Variants in ALS2 observed in about 807,000 individuals in gnomAD.
The protein encoded by ALS2 is alsin Rho guanine nucleotide exchange factor ALS2, also known as alsin.
A neutral mutation model predicts 203.4 loss-of-function variants in ALS2; 117 were observed. The ratio of observed to expected loss-of-function variants is 0.58; its 90% confidence interval spans 0.50 to 0.67. The LOEUF is 0.67. Among genes scored for constraint, ALS2 ranks in the 30% least tolerant of loss-of-function variants. ALS2 has a pLI of 0.00. For missense variants in ALS2, 1,715 were observed against 1,989.4 expected (o/e 0.86, Z 2.62); for synonymous variants, 718 against 725.9 (o/e 0.99, Z 0.17).
In ALS2 at chr2:201,756,746, T is replaced by C. The variant is rs193192695; in HGVS notation, c.1471+656A>G. On this transcript the variant is annotated intron_variant, in intron 5 of 33. Coordinates refer to ENST00000264276, the MANE Select transcript of ALS2 (RefSeq NM_020919.4). Reference sequence around the variant, plus strand: ...CCAAATCCTGGTCTCATCAAATGCTTCTCAGACTTTAGTGTGCATACTAAT... The same window carrying C: ...CCAAATCCTGGTCTCATCAAATGCTCCTCAGACTTTAGTGTGCATACTAAT... Among the ~76,000 whole-genome samples, 1,164 of 152,358 alleles carry C rather than the reference T, an allele frequency of 7.6e-3. 7 individuals are homozygous for C. The highest frequency in any genetic ancestry group is 0.011 in the Non-Finnish European group (736 of 68,030).
chr2:201,720,986 T>G (rs915566066), intron 23 of ALS2, among the ~76,000 whole-genome samples: 1 of 152,028 alleles, frequency 6.6e-6, no homozygotes, highest in East Asian at 1.9e-4. Flanking sequence ...ATAAACGAAT[T>G]CAGCAAGATT....
At chr2:201,759,184 A>T (rs944732642) in intron 4 of ALS2, among the ~76,000 whole-genome samples, 3 of 152,178 alleles carry the variant, frequency 2.0e-5, no homozygotes, top group African/African-American at 7.2e-5. Context: ...TACTGTTCTA[A>T]CTGGCTCCTT....
intron 4 of ALS2, among the ~76,000 whole-genome samples, chr2:201,758,760 ATG>A (rs775648737): frequency 1.3e-3 from 196 of 150,724 alleles, no homozygotes; most frequent in African/African-American, 3.5e-3. Flanking sequence ...GTGTGTGCGC[ATG>A]TGTGTGTGTG....
intron 1 of ALS2, among the ~76,000 whole-genome samples, chr2:201,772,538 A>G (rs1405842063): frequency 1.3e-5 from 2 of 152,208 alleles, no homozygotes; most frequent in Non-Finnish European, 2.9e-5. Flanking sequence ...TGTTGTAGAA[A>G]TATCAGTATG....
Position 201,701,755 on chromosome 2 carries a change from A to G in ALS2, c.*96T>C, listed in dbSNP as rs1221469233. 1 of 1,224,256 alleles carries G rather than the reference A, an allele frequency of 8.2e-7. No homozygotes were observed. Among genetic ancestry groups the G allele is most frequent in the African/African-American group, 1.5e-5 (1 of 67,202 alleles). The allele number at this position is 1,224,256 out of a possible 1,614,324, so 75.8% of individuals were successfully genotyped here. A position where few individuals can be genotyped will look rare whatever the true frequency, so the allele number is the denominator to read the frequency against. ...CCTAAATAACACAAAGTCCTTTCCA[A>G]TTTCAACACTGTTCTTTTTTGCCAC... On this transcript the variant is annotated 3_prime_UTR_variant, in exon 34 of 34. Coordinates refer to ENST00000264276, the MANE Select transcript of ALS2 (RefSeq NM_020919.4).
At chr2:201,723,259 A>G (rs1467859922) in intron 22 of ALS2, 71 bp downstream of exon 22, 1 of 1,434,550 alleles carries the variant, frequency 7.0e-7, no homozygotes, top group Admixed American at 1.7e-5. Context: ...TAATCAAAAG[A>G]TGATTTAAAA....
rs574077489 is a variant in ALS2, at chr2:201,761,931, T to A, written c.176-113A>T. The A allele has an allele frequency of 4.1e-5, 49 of 1,207,274 alleles. No individual in the cohort carries two copies. The African/African-American group carries it at 6.3e-4, about 16-fold the overall frequency. The allele number at this position is 1,207,274 out of a possible 1,614,324, so 74.8% of individuals were successfully genotyped here. On this transcript the variant is annotated intron_variant, in intron 3 of 33. Transcript: ENST00000264276. ...ATTTAACCAAATTGGATTTTCTTTT[T>A]AAATTTTCAAAAGCAGTTGTAGAAA...
At chr2:201,740,748 A>G (rs1428279647) in intron 11 of ALS2, among the ~76,000 whole-genome samples, 1 of 152,248 alleles carries the variant, frequency 6.6e-6, no homozygotes, top group Non-Finnish European at 1.5e-5. Context: ...CTAAGATGAT[A>G]AACAGTGGTT....
intron 19 of ALS2, among the ~76,000 whole-genome samples, chr2:201,725,673 T>C (rs987789952): frequency 6.6e-6 from 1 of 152,154 alleles, no homozygotes; most frequent in African/African-American, 2.4e-5. Context: ...AGATATGGTG[T>C]TTTAATCCAA....
At chr2:201,716,324 G>A (rs1363311428) in intron 24 of ALS2, among the ~76,000 whole-genome samples, 3 of 151,572 alleles carry the variant, frequency 2.0e-5, no homozygotes, top group East Asian at 1.9e-4. Context: ...AGGGTGGATC[G>A]CCTGAGGTCA....
Position 201,761,659 on chromosome 2 carries a change from G to A in ALS2, c.335C>T (p.Ala112Val), listed in dbSNP as rs750832284. The A allele has an allele frequency of 4.3e-5, 69 of 1,614,020 alleles. No individual in the cohort carries two copies. Among genetic ancestry groups the A allele is most frequent in the East Asian group, 3.3e-4 (15 of 44,878 alleles). ...HSGAVTDNGV[A>V]YMWGENSAGQ... The stretch of plus-strand genomic sequence containing the variant: ...AGCAGAATTCTCTCCCCACATGTAC[G>A]CGACACCATTGTCTGTCACTGCTCC... Residue 112 changes from alanine (A) to valine (V), a missense_variant, in exon 4 of 34, where the codon GCG becomes GTG. By Grantham distance (64) the Ala-to-Val change is moderately conservative. Around this residue, in one of 3 missense-constraint regions of ALS2, gnomAD observed 476 missense variants for 539.3 expected, o/e 0.88. Coordinates refer to ENST00000264276, the MANE Select transcript of ALS2 (RefSeq NM_020919.4).
rs568264565 is a variant in ALS2 at position 201,767,095 on chromosome 2, T to C, written c.175+134A>G. 31 of 1,007,836 alleles carry C rather than the reference T, an allele frequency of 3.1e-5. No homozygotes were observed. The South Asian group carries it at 3.7e-4, about 12-fold the overall frequency. The allele number at this position is 1,007,836 out of a possible 1,614,324, so 62.4% of individuals were successfully genotyped here. A position where few individuals can be genotyped will look rare whatever the true frequency, so the allele number is the denominator to read the frequency against. On this transcript the variant is annotated intron_variant, in intron 3 of 33. Transcript: ENST00000264276. ...TACCCTAAAACTTAAAGCATAATAA[T>C]AATAAAATTTAAAAAAAAAAGAAAG...
At chr2:201,725,814 T>G (rs188445541) in intron 19 of ALS2, among the ~76,000 whole-genome samples, 1 of 152,220 alleles carries the variant, frequency 6.6e-6, no homozygotes, top group Non-Finnish European at 1.5e-5. Context: ...GTGGGTAAAT[T>G]AGATGATCTA....
chr2:201,760,082 G>A, intron 4 of ALS2: 1 of 889,424 alleles, frequency 1.1e-6, no homozygotes, highest in Non-Finnish European at 1.3e-6. Flanking sequence ...CAACACTTTG[G>A]GAGGCTGAGG....
chr2:201,745,984 G>A (rs1692616966), intron 9 of ALS2, among the ~76,000 whole-genome samples: 1 of 152,086 alleles, frequency 6.6e-6, no homozygotes. Context: ...TAAATTAAAA[G>A]TGGAGAAGTG....
Position 201,734,467 on chromosome 2 carries a change from C to CAAAAAAAAAAAAAAAA in ALS2, c.2418-1030_2418-1029insTTTTTTTTTTTTTTTT, listed in dbSNP as rs576164468. ...ACCAGCCCGGGTGACCAGCCTGTCT[C>CAAAAAAAAAAAAAAAA]AAAAAAAAAAAAAGATCTTAGATAA... On this transcript the variant is annotated intron_variant, in intron 12 of 33. Transcript: ENST00000264276. Among the ~76,000 whole-genome samples the CAAAAAAAAAAAAAAAA allele has an allele frequency of 6.7e-4, 89 of 132,236 alleles. 1 individual carries two copies. Among genetic ancestry groups the CAAAAAAAAAAAAAAAA allele is most frequent in the Admixed American group, 1.4e-3 (18 of 12,902 alleles). The allele number at this position is 132,236 out of a possible 152,430, so 86.8% of individuals were successfully genotyped here. A position where few individuals can be genotyped will look rare whatever the true frequency, so the allele number is the denominator to read the frequency against.
intron 26 of ALS2, among the ~76,000 whole-genome samples, chr2:201,710,427 C>T (rs531009897): frequency 1.7e-3 from 100 of 59,736 alleles, no homozygotes; most frequent in African/African-American, 5.1e-3. Context: ...TGAGAACCCC[C>T]ATATCTAAAA....
chr2:201,760,593 C>A (rs1253782235), intron 4 of ALS2: 3 of 1,200,960 alleles, frequency 2.5e-6, no homozygotes, highest in African/African-American at 3.1e-5. Context: ...AGTACTTTAG[C>A]CATAGAAAAA....
At chr2:201,774,561 A>G (rs553058012) in intron 1 of ALS2, among the ~76,000 whole-genome samples, 1 of 152,326 alleles carries the variant, frequency 6.6e-6, no homozygotes, top group African/African-American at 2.4e-5. Context: ...TGGTAGAGAA[A>G]TGTGTTGAGT....
Sources: gnomAD v4.1 joint callset for allele counts (sites outside exome capture counted in the v4.1 genomes callset) on GRCh38, gnomAD v4.1.1 for gene constraint, gnomAD v4.1.1 regional missense constraint, MANE v1.5 for transcripts, NCBI Gene and HGNC (gene_info 2026-07-23, HGNC 2026-07-21) for gene names.